The following CSMD1 variants were observed in gnomAD, a reference collection of about 807,000 sequenced individuals.
The protein encoded by CSMD1 is CUB and Sushi multiple domains 1.
In CSMD1, 213 loss-of-function variants were observed where a neutral mutation model predicts 417.5. The observed-to-expected ratio is 0.51, with a 90% CI of 0.46 to 0.57. The LOEUF is 0.57. Among genes scored for constraint, CSMD1 ranks in the 20% least tolerant of loss-of-function variants. The pLI is 0.00. For missense variants in CSMD1, 6,923 were observed against 4,529.7 expected, an observed-to-expected ratio of 1.53 and a Z score of -15.17; for synonymous variants, 2,862 against 1,736.8, an observed-to-expected ratio of 1.65 and a Z score of -16.11.
chr8:3,283,754 G>C (rs1039339423), intron 26 of CSMD1, among the ~76,000 whole-genome samples: 7 of 152,184 alleles, frequency 4.6e-5, no homozygotes, highest in African/African-American at 1.4e-4. Flanking sequence ...CTGAGCAAAG[G>C]AGACTTAAGT....
intron 9 of CSMD1, among the ~76,000 whole-genome samples, chr8:3,582,975 G>C (rs555723743): frequency 4.6e-5 from 7 of 152,182 alleles, no homozygotes; most frequent in Non-Finnish European, 7.3e-5. Context: ...AACTGACTAA[G>C]TTAAGGAGAT....
intron 1 of CSMD1, among the ~76,000 whole-genome samples, chr8:4,921,293 A>G (rs4269563): frequency 0.41 from 62,631 of 152,060 alleles, 15,130 homozygotes; most frequent in East Asian, 0.84. Flanking sequence ...GGTGCTAAAC[A>G]CATTTCACAT....
At position 4,815,493 on chromosome 8, in the gene CSMD1, C is replaced by T. The variant is rs571856613; in HGVS notation, c.86-177935G>A. Among the ~76,000 whole-genome samples the T allele has an allele frequency of 2.6e-4, 39 of 151,736 alleles. No homozygotes were observed. In the South Asian group the frequency reaches 4.2e-3, roughly 16 times the overall value. On this transcript the variant is annotated intron_variant, in intron 1 of 69. Coordinates refer to ENST00000635120, the MANE Select transcript of CSMD1 (RefSeq NM_033225.6). ...GGAGCATCACATGAGGTCAGGAGAT[C>T]GAGACCAGCCTGACCAACACAGTGA...
chr8:4,946,645 G>C (rs894184901), intron 1 of CSMD1, among the ~76,000 whole-genome samples: 1 of 152,270 alleles, frequency 6.6e-6, no homozygotes, highest in South Asian at 2.1e-4. Flanking sequence ...TTTAGAATCT[G>C]ACTCCCGAAT....
At chr8:4,311,332 C>T (rs780042269) in intron 3 of CSMD1, among the ~76,000 whole-genome samples, 8 of 152,126 alleles carry the variant, frequency 5.3e-5, no homozygotes, top group Non-Finnish European at 1.0e-4. Flanking sequence ...AAAAGGAATG[C>T]GATCAAGTCC....
intron 3 of CSMD1, among the ~76,000 whole-genome samples, chr8:4,074,712 G>C (rs564024452): frequency 2.0e-5 from 3 of 151,772 alleles, no homozygotes; most frequent in African/African-American, 7.2e-5. Flanking sequence ...TGAGATTCCA[G>C]ACCATTTAAT....
At chr8:3,641,448 T>A (rs2117317403) in intron 7 of CSMD1, among the ~76,000 whole-genome samples, 1 of 152,258 alleles carries the variant, frequency 6.6e-6, no homozygotes, top group Admixed American at 6.5e-5. Flanking sequence ...CACTCCTACT[T>A]TATCAGTAAG....
At chr8:3,385,222 T>C (rs962921163) in intron 18 of CSMD1, among the ~76,000 whole-genome samples, 1 of 147,148 alleles carries the variant, frequency 6.8e-6, no homozygotes, top group Non-Finnish European at 1.5e-5. Flanking sequence ...CATATACATA[T>C]ACATGCATAT....
chr8:3,815,228 A>G (rs528129176), intron 5 of CSMD1, among the ~76,000 whole-genome samples: 1 of 152,328 alleles, frequency 6.6e-6, no homozygotes, highest in East Asian at 1.9e-4. Flanking sequence ...ATGGGAACAT[A>G]GAGTACCCAT....
At chr8:4,641,626 C>T (rs542978924) in intron 1 of CSMD1, among the ~76,000 whole-genome samples, 19 of 152,154 alleles carry the variant, frequency 1.2e-4, no homozygotes, top group Non-Finnish European at 2.5e-4. Context: ...GACACCAAAG[C>T]CTAGAGCCGT....
intron 12 of CSMD1, among the ~76,000 whole-genome samples, chr8:3,410,011 G>C (rs1157715101): frequency 6.6e-6 from 1 of 152,072 alleles, no homozygotes; most frequent in Non-Finnish European, 1.5e-5. Flanking sequence ...ATTCCCTACT[G>C]AGTATTTAAA....
At chr8:4,209,717 T>G (rs189918474) in intron 3 of CSMD1, among the ~76,000 whole-genome samples, 1 of 152,178 alleles carries the variant, frequency 6.6e-6, no homozygotes, top group Non-Finnish European at 1.5e-5. Flanking sequence ...TTTTATTGAC[T>G]GAAGCAGCAC....
chr8:3,121,144 T>G (rs969487865), intron 41 of CSMD1, among the ~76,000 whole-genome samples: 2 of 152,164 alleles, frequency 1.3e-5, no homozygotes, highest in African/African-American at 2.4e-5. Context: ...TGTCATATCT[T>G]TCAATAGTCA....
intron 7 of CSMD1, among the ~76,000 whole-genome samples, chr8:3,644,966 GAAAAAA>G (rs71203456): frequency 3.1e-4 from 20 of 64,544 alleles, no homozygotes; most frequent in African/African-American, 1.1e-3. Flanking sequence ...GGCTTTAAAT[GAAAAAA>G]AAAAAAAAAA....
Position 4,127,873 on chromosome 8 carries a change from G to A in CSMD1, c.416-95774C>T, listed in dbSNP as rs189936430. On this transcript the variant is annotated intron_variant, in intron 3 of 69. Coordinates refer to ENST00000635120, the MANE Select transcript of CSMD1 (RefSeq NM_033225.6). Reference sequence around the variant, plus strand: ...TTGCAGATGAAGAAACCCAGACACTGCCAGCAAATGGTGAAGGCAGAATTA... The same window carrying A: ...TTGCAGATGAAGAAACCCAGACACTACCAGCAAATGGTGAAGGCAGAATTA... Among the ~76,000 whole-genome samples, 13 of 152,254 alleles carry A rather than the reference G, an allele frequency of 8.5e-5. No individual in the cohort carries two copies. The East Asian group carries it at 2.3e-3, about 27-fold the overall frequency.
intron 1 of CSMD1, among the ~76,000 whole-genome samples, chr8:4,875,133 T>C (rs558075004): frequency 1.3e-5 from 2 of 151,912 alleles, no homozygotes; most frequent in Non-Finnish European, 2.9e-5. Flanking sequence ...CCTTCCCTCA[T>C]GGTAAGGTAG....
At chr8:3,331,195 G>A (rs370466328) in intron 23 of CSMD1, among the ~76,000 whole-genome samples, 3 of 148,284 alleles carry the variant, frequency 2.0e-5, no homozygotes, top group East Asian at 2.0e-4. Flanking sequence ...CCGAGATCGT[G>A]CCACTGCACT....
chr8:4,673,743 T>A (rs1805499113), intron 1 of CSMD1, among the ~76,000 whole-genome samples: 1 of 152,148 alleles, frequency 6.6e-6, no homozygotes, highest in African/African-American at 2.4e-5. Flanking sequence ...ATGCTAAGTG[T>A]AAGAAGCCAG....
intron 7 of CSMD1, among the ~76,000 whole-genome samples, chr8:3,646,028 A>G (rs963947100): frequency 4.6e-5 from 7 of 151,074 alleles, no homozygotes; most frequent in Non-Finnish European, 8.8e-5. Flanking sequence ...AACAAAAACT[A>G]GAAATATTCT....
Sources: allele counts gnomAD v4.1 joint callset (sites outside exome capture counted in the v4.1 genomes callset), GRCh38; gene constraint gnomAD v4.1.1; transcripts MANE v1.5; gene names NCBI Gene and HGNC (gene_info 2026-07-23, HGNC 2026-07-21).